The following PCDHGB1 variants were observed in gnomAD, a reference collection of about 807,000 sequenced individuals.
PCDHGB1 encodes protocadherin gamma-B1.
PCDHGB1 carries 34 observed loss-of-function variants against 56.6 expected under a neutral mutation model. The ratio of observed to expected loss-of-function variants is 0.60; its 90% CI spans 0.46 to 0.80. The LOEUF (loss-of-function observed/expected upper bound fraction) is 0.80. PCDHGB1 is among the 30% of genes least tolerant of loss of function. The pLI, the probability that PCDHGB1 is intolerant of heterozygous loss-of-function variation, is 0.00. For missense variants in PCDHGB1, 1,278 were observed against 1,204.6 expected (o/e 1.06, Z -0.90); for synonymous variants, 561 against 505.9 (o/e 1.11, Z -1.46).
intron 1 of PCDHGB1, chr5:141,409,494 C>T (rs755680835): frequency 8.1e-6 from 13 of 1,613,910 alleles, no homozygotes; most frequent in South Asian, 3.3e-5. Context: ...GGCAAGCCGC[C>T]TCTTTCTTCC....
chr5:141,499,725 C>T (rs554409998), intron 2 of PCDHGB1, among the ~76,000 whole-genome samples: 3 of 138,474 alleles, frequency 2.2e-5, no homozygotes, highest in African/African-American at 5.4e-5. Context: ...GACAGAGTCT[C>T]ACTCTCTTGC....
rs2154555227 is a variant in PCDHGB1, at chr5:141,432,737, C to G, written c.2410-62070C>G. ...GCCCCCTCTCTCCGCCACTGTCACG[C>G]TCACCGTGGCCGTGGCCGACAGCAT... On this transcript the variant is annotated intron_variant, in intron 1 of 3. Coordinates refer to ENST00000523390, the MANE Select transcript of PCDHGB1 (RefSeq NM_018922.3). This position sits in a 1 kb window ranked among gnomAD's most constrained non-coding sequence, Gnocchi z 6.0. 6.2e-7 allele frequency: 1 copy of G among 1,614,110 alleles called. No homozygotes were observed. The highest frequency in any genetic ancestry group is 8.5e-7 in the Non-Finnish European group (1 of 1,180,002).
intron 1 of PCDHGB1, chr5:141,417,739 C>T: frequency 6.4e-6 from 9 of 1,411,706 alleles, no homozygotes; most frequent in Non-Finnish European, 5.6e-6. Flanking sequence ...GCCCAGCACA[C>T]CAGATTGCCA....
At chr5:141,429,468 A>G (rs2097217267) in intron 1 of PCDHGB1, among the ~76,000 whole-genome samples, 1 of 152,048 alleles carries the variant, frequency 6.6e-6, no homozygotes, top group Admixed American at 6.6e-5. Flanking sequence ...TCCCACCTCA[A>G]TCTCCAGAGT....
chr5:141,408,728 C>A lies in PCDHGB1; in HGVS notation c.2409+56059C>A, dbSNP rs371316574. 3.7e-6 allele frequency: 6 copies of A among 1,610,174 alleles called. No individual in the cohort carries two copies. In the African/African-American group the frequency reaches 8.0e-5, roughly 22 times the overall value. ...TAAAGATTATAAGATAAACTCTAATCCTTATTTTTCATTAATGGTTAGAGT... is the reference window on the plus strand; with the variant it reads ...TAAAGATTATAAGATAAACTCTAATACTTATTTTTCATTAATGGTTAGAGT... On this transcript the variant is annotated intron_variant, in intron 1 of 3. Transcript: ENST00000523390.
intron 1 of PCDHGB1, chr5:141,423,296 T>G (rs771340929): frequency 6.2e-7 from 1 of 1,614,124 alleles, no homozygotes; most frequent in Non-Finnish European, 8.5e-7. Context: ...ACCTCAGACC[T>G]CTCGCTGTAC....
At chr5:141,370,947 AAC>A in intron 1 of PCDHGB1, 5 of 1,613,958 alleles carry the variant, frequency 3.1e-6, no homozygotes, top group Non-Finnish European at 4.2e-6. Context: ...TCAGAAGGAG[AAC>A]CTGGATGGCA....
At chr5:141,418,392 T>C (rs753094664) in intron 1 of PCDHGB1, 1 of 1,613,996 alleles carries the variant, frequency 6.2e-7, no homozygotes, top group Non-Finnish European at 8.5e-7. Context: ...AACGAGTATT[T>C]CTCATTGGTG....
chr5:141,469,500 G>A (rs1471801110), intron 1 of PCDHGB1, among the ~76,000 whole-genome samples: 4 of 151,914 alleles, frequency 2.6e-5, no homozygotes, highest in South Asian at 2.1e-4. Flanking sequence ...GCTTGAACCC[G>A]GGAGGTGGAG....
chr5:141,365,309 C>T lies in PCDHGB1; in HGVS notation c.2409+12640C>T, dbSNP rs200560640. 105 of 1,613,826 alleles carry T rather than the reference C, an allele frequency of 6.5e-5. 1 individual carries two copies. The highest frequency in any genetic ancestry group is 8.5e-5 in the Non-Finnish European group (100 of 1,179,886). ...AGTGGTAGCTCAGGATGGAGGCGCT[C>T]TTGTTGCCAGCGCTAAGGTGGTGGT... On this transcript the variant is annotated intron_variant, in intron 1 of 3. Transcript: ENST00000523390.
At chr5:141,361,254 C>CA in intron 1 of PCDHGB1, 1 of 1,613,964 alleles carries the variant, frequency 6.2e-7, no homozygotes, top group Non-Finnish European at 8.5e-7. Context: ...AAACGAGAGA[C>CA]AGAGACTCTG....
chr5:141,373,102 C>T (rs182664411), intron 1 of PCDHGB1, among the ~76,000 whole-genome samples: 60 of 152,332 alleles, frequency 3.9e-4, no homozygotes, highest in Admixed American at 3.5e-3. Flanking sequence ...CATTTTCAGA[C>T]ATATCTATCC....
At position 141,351,093 on chromosome 5, in the gene PCDHGB1, T is replaced by C. The variant is rs369082751; in HGVS notation, c.833T>C (p.Phe278Ser). Residue 278 changes from phenylalanine (F) to serine (S), a missense_variant, in exon 1 of 4, where the codon TTC becomes TCC. Coordinates refer to ENST00000523390, the MANE Select transcript of PCDHGB1 (RefSeq NM_018922.3). ...ATTAATGCAGAGATCACCTATGCCTTCCTCAATTCCCCAATAAGTACCAGC... is the reference window on the plus strand; with the variant it reads ...ATTAATGCAGAGATCACCTATGCCTCCCTCAATTCCCCAATAAGTACCAGC... The part of the protein sequence containing the change: ...EGINAEITYA[F>S]LNSPISTSLF... The C allele has an allele frequency of 1.5e-5, 24 of 1,614,042 alleles. No homozygotes were observed. In the East Asian group the frequency reaches 4.7e-4, roughly 31 times the overall value.
At chr5:141,384,753 G>T (rs114533608) in intron 1 of PCDHGB1, 2 of 1,614,010 alleles carry the variant, frequency 1.2e-6, no homozygotes, top group African/African-American at 1.3e-5. Flanking sequence ...GACTCTTTGC[G>T]GTTGGGCTGT....
In PCDHGB1 at chr5:141,432,091, C is replaced by A. The variant is rs370491149; in HGVS notation, c.2410-62716C>A. ...CTCATATCTCGCTGAACGTGGCAGA[C>A]ACCAACGACAACCCGCCGGTCTTCC... On this transcript the variant is annotated intron_variant, in intron 1 of 3. Coordinates refer to ENST00000523390, the MANE Select transcript of PCDHGB1 (RefSeq NM_018922.3). This position sits in a 1 kb window ranked among gnomAD's most constrained non-coding sequence, Gnocchi z 6.0. 6.2e-7 allele frequency: 1 copy of A among 1,614,056 alleles called. No individual in the cohort carries two copies. Among genetic ancestry groups the A allele is most frequent in the African/African-American group, 1.3e-5 (1 of 74,908 alleles).
intron 1 of PCDHGB1, chr5:141,421,220 A>T (rs1178268746): frequency 6.3e-7 from 1 of 1,575,620 alleles, no homozygotes; most frequent in East Asian, 2.3e-5. Context: ...ATCGGCTTAG[A>T]GCCTGCCATG....
chr5:141,492,575 C>T (rs1213639439), intron 1 of PCDHGB1, among the ~76,000 whole-genome samples: 1 of 152,218 alleles, frequency 6.6e-6, no homozygotes, highest in South Asian at 2.1e-4. Flanking sequence ...GAGCGAGGCG[C>T]GGGGCCAGGA....
At chr5:141,381,012 AC>A (rs1776931879) in intron 1 of PCDHGB1, among the ~76,000 whole-genome samples, 1 of 152,354 alleles carries the variant, frequency 6.6e-6, no homozygotes, top group South Asian at 2.1e-4. Context: ...CATCTATAAT[AC>A]CTCTATTAGT....
At chr5:141,421,582 G>A (rs531591776) in intron 1 of PCDHGB1, 4 of 1,613,874 alleles carry the variant, frequency 2.5e-6, no homozygotes, top group Non-Finnish European at 2.5e-6. Flanking sequence ...GAAGATTTAC[G>A]GAGTGGAGGT....
Sources: gnomAD v4.1 joint callset for allele counts (sites outside exome capture counted in the v4.1 genomes callset) on GRCh38, gnomAD v4.1.1 for gene constraint, Gnocchi (gnomAD v3.1) non-coding constraint, MANE v1.5 for transcripts, NCBI Gene and HGNC (gene_info 2026-07-23, HGNC 2026-07-21) for gene names.